Variants in CNN1 observed in about 807,000 individuals in gnomAD.
The protein encoded by CNN1 is calponin-1.
Under a neutral mutation model 35.3 loss-of-function variants are expected in CNN1, and 21 were observed. The observed-to-expected ratio is 0.60, with a 90% confidence interval of 0.42 to 0.86. The LOEUF (loss-of-function observed/expected upper bound fraction) is 0.86. CNN1 is among the 40% of genes least tolerant of loss of function. CNN1 has a pLI of 0.00. For synonymous variants in CNN1, 164 were observed against 161.8 expected (o/e 1.01, Z -0.10); for missense variants, 314 against 400.8 (o/e 0.78, Z 1.85).
chr19:11,546,893 T>C lies in CNN1; in HGVS notation c.314T>C (p.Ile105Thr). The C allele has an allele frequency of 1.2e-6, 2 of 1,614,216 alleles. No homozygotes were observed. Among genetic ancestry groups the C allele is most frequent in the South Asian group, 2.2e-5 (2 of 91,082 alleles). Residue 105 changes from isoleucine to threonine, a missense_variant, in exon 4 of 7, where the codon ATT becomes ACT. Physicochemically the swap from Ile to Thr is moderately conservative, Grantham distance 89. Coordinates refer to ENST00000252456, the MANE Select transcript of CNN1 (RefSeq NM_001299.6). ...AAGTATGGGGTGAAGCCCCACGACA[T>C]TTTTGAGGCCAACGACCTGTTTGAG... is the stretch of plus-strand genomic sequence containing the variant. ...ITKYGVKPHDIFEANDLFENT... is the reference protein window; with the variant it reads ...ITKYGVKPHDTFEANDLFENT...
chr19:11,544,023 G>C (rs979141383), intron 2 of CNN1, among the ~76,000 whole-genome samples: 2 of 151,994 alleles, frequency 1.3e-5, no homozygotes, highest in Non-Finnish European at 2.9e-5. Flanking sequence ...TGTGTGCCAG[G>C]CTCTGGCCTA....
rs889308117 is a variant in CNN1 at position 11,549,081 on chromosome 19, C to T, written c.502-242C>T. ...TGCCCACCTGTGATCCCAGCTACTC[C>T]GGAGGCTGAGGCAGGAGAATTGCTT... On this transcript the variant is annotated intron_variant, in intron 5 of 6. Transcript: ENST00000252456. The surrounding 1 kb of genome is among the most constrained non-coding windows in gnomAD (Gnocchi z 5.2). Among the ~76,000 whole-genome samples the T allele has an allele frequency of 3.4e-5, 5 of 146,486 alleles. No individual in the cohort carries two copies. Among genetic ancestry groups the T allele is most frequent in the Non-Finnish European group, 6.0e-5 (4 of 66,382 alleles).
chr19:11,539,913 C>T (rs1972421183), intron 1 of CNN1: 1 of 1,118,846 alleles, frequency 8.9e-7, no homozygotes, highest in East Asian at 9.8e-5. Context: ...CGCGCAGAGA[C>T]GCCGCGCCTT....
rs1261184207 is a variant in CNN1, at chr19:11,550,144, G to A, written c.*349G>A. On this transcript the variant is annotated 3_prime_UTR_variant, in exon 7 of 7. Coordinates refer to ENST00000252456, the MANE Select transcript of CNN1 (RefSeq NM_001299.6). Reference sequence around the variant, plus strand: ...AGCAAAGCCCCCAGAGCCCAGGCTCGGCCTGCCCCCACCCCATTCCCGCAG... The same window carrying A: ...AGCAAAGCCCCCAGAGCCCAGGCTCAGCCTGCCCCCACCCCATTCCCGCAG... The A allele has an allele frequency of 2.4e-5, 6 of 247,738 alleles. No homozygotes were observed. The highest frequency in any genetic ancestry group is 3.8e-5 in the Non-Finnish European group (5 of 129,884). The allele number at this position is 247,738 out of a possible 1,614,324, so 15.3% of individuals were successfully genotyped here.
chr19:11,539,591 C>A (rs1054760527), intron 1 of CNN1: 7 of 883,828 alleles, frequency 7.9e-6, no homozygotes, highest in Non-Finnish European at 9.2e-6. Flanking sequence ...GGACCCTGGA[C>A]TCACCCCCCA....
Position 11,549,765 on chromosome 19 carries a change from C to A in CNN1, c.864C>A (p.His288Gln). ...YPELGEPAHN[H>Q]HAHNYYNSA ...AGCTGGGTGAGCCCGCCCACAACCA[C>A]CACGCACACAACTACTACAATTCCG... is the stretch of plus-strand genomic sequence containing the variant. Residue 288 changes from histidine (H) to glutamine (Q), a missense_variant, in exon 7 of 7, where the codon CAC becomes CAA. His to Gln is a conservative substitution (Grantham distance 24). Coordinates refer to ENST00000252456, the MANE Select transcript of CNN1 (RefSeq NM_001299.6). This position sits in a 1 kb window ranked among gnomAD's most constrained non-coding sequence, Gnocchi z 5.2. 1 of 1,613,266 alleles carries A rather than the reference C, an allele frequency of 6.2e-7. No homozygotes were observed. The highest frequency in any genetic ancestry group is 8.5e-7 in the Non-Finnish European group (1 of 1,179,478).
intron 4 of CNN1, among the ~76,000 whole-genome samples, chr19:11,547,457 T>G (rs986107820): frequency 1.3e-5 from 2 of 151,344 alleles, no homozygotes; most frequent in Non-Finnish European, 2.9e-5. Flanking sequence ...ACGCCTGTAA[T>G]CCCAGCACTT....
chr19:11,546,972 G>A lies in CNN1; in HGVS notation c.390+3G>A. The A allele has an allele frequency of 6.2e-7, 1 of 1,614,198 alleles. No homozygotes were observed. The highest frequency in any genetic ancestry group is 8.5e-7 in the Non-Finnish European group (1 of 1,180,014). On this transcript the variant is annotated splice_donor_region_variant and intron_variant, in intron 4 of 6. Coordinates refer to ENST00000252456, the MANE Select transcript of CNN1 (RefSeq NM_001299.6). ...CCCTCCTGGCTTTGGCCAGCATGGT[G>A]AGTGTGGTTGCAGGCTGGGCAGGGG...
At chr19:11,539,576 C>T in intron 1 of CNN1, 2 of 978,514 alleles carry the variant, frequency 2.0e-6, no homozygotes, top group South Asian at 3.2e-5. Context: ...GCAGGTACAG[C>T]GCTCGGACCC....
intron 4 of CNN1, 68 bp from the exon 5 acceptor site, chr19:11,547,727 AAC>A (rs572320864): frequency 8.6e-6 from 11 of 1,282,628 alleles, no homozygotes; most frequent in Non-Finnish European, 1.2e-5. Flanking sequence ...ACAACAAAAA[AAC>A]AGTGTCCAAG....
At chr19:11,542,019 C>G (rs1172472872) in intron 2 of CNN1, 1 of 150,120 alleles carries the variant, frequency 6.7e-6, no homozygotes, top group Non-Finnish European at 1.5e-5. Flanking sequence ...GGATTGCAGG[C>G]ACATGCCACC....
rs1202397369 is a variant in CNN1, at chr19:11,549,474, G to C, written c.648+5G>C. ...ACCAACAAAGGAGCCAGCCAGGTGA[G>C]TGGGGGCCCCCGGGACACGCCGTCA... On this transcript the variant is annotated splice_donor_5th_base_variant and intron_variant, in intron 6 of 6. Transcript: ENST00000252456. The surrounding 1 kb of genome is among the most constrained non-coding windows in gnomAD (Gnocchi z 5.2). The C allele has an allele frequency of 1.2e-6, 2 of 1,613,560 alleles. No individual in the cohort carries two copies. The highest frequency in any genetic ancestry group is 1.7e-5 in the Admixed American group (1 of 59,970).
rs935512933 is a variant in CNN1 at position 11,539,953 on chromosome 19, G to C, written c.63+963G>C. 3.5e-5 allele frequency: 39 copies of C among 1,103,520 alleles called. No individual in the cohort carries two copies. In the African/African-American group the frequency reaches 6.6e-4, roughly 19 times the overall value. 68.4% of individuals were successfully genotyped at this position (1,103,520 alleles called of 1,614,324 possible). Reference sequence around the variant, plus strand: ...GGCGGCCTCGGGGAGCCCGGGCCACGCTATATAAGGGCCGGTTTGCTTTAT... The same window carrying C: ...GGCGGCCTCGGGGAGCCCGGGCCACCCTATATAAGGGCCGGTTTGCTTTAT... On this transcript the variant is annotated intron_variant, in intron 1 of 6. Coordinates refer to ENST00000252456, the MANE Select transcript of CNN1 (RefSeq NM_001299.6).
At chr19:11,540,118 G>A (rs1972427298) in intron 1 of CNN1, 1 of 955,710 alleles carries the variant, frequency 1.0e-6, no homozygotes, top group Middle Eastern at 5.3e-4. Flanking sequence ...GGCTTGGGCG[G>A]AGGGTTCTGG....
chr19:11,545,573 C>T (rs146644311), intron 2 of CNN1, among the ~76,000 whole-genome samples: 6 of 151,770 alleles, frequency 4.0e-5, no homozygotes, highest in African/African-American at 1.2e-4. Context: ...CACCCAGGCA[C>T]CCATGGAGAG....
rs200174402 is a variant in CNN1 at position 11,549,769 on chromosome 19, G to C, written c.868G>C (p.Ala290Pro). 1 of 1,612,538 alleles carries C rather than the reference G, an allele frequency of 6.2e-7. No homozygotes were observed. The highest frequency in any genetic ancestry group is 1.3e-5 in the African/African-American group (1 of 74,870). The change falls in exon 7 of 7, where the codon GCA becomes CCA. Residue 290 changes from alanine to proline, a missense_variant. Coordinates refer to ENST00000252456, the MANE Select transcript of CNN1 (RefSeq NM_001299.6). This position sits in a 1 kb window ranked among gnomAD's most constrained non-coding sequence, Gnocchi z 5.2. ...ELGEPAHNHH[A>P]HNYYNSA Reference sequence around the variant, plus strand: ...GGGTGAGCCCGCCCACAACCACCACGCACACAACTACTACAATTCCGCCTA... The same window carrying C: ...GGGTGAGCCCGCCCACAACCACCACCCACACAACTACTACAATTCCGCCTA...
intron 1 of CNN1, chr19:11,540,293 A>G: frequency 6.3e-6 from 1 of 158,428 alleles, no homozygotes; most frequent in Non-Finnish European, 1.4e-5. Flanking sequence ...ATGGAGGGGC[A>G]GGGAGAGGAG....
intron 2 of CNN1, among the ~76,000 whole-genome samples, chr19:11,543,265 G>A (rs894887585): frequency 6.6e-6 from 1 of 151,554 alleles, no homozygotes; most frequent in Admixed American, 6.6e-5. Context: ...TGGGAGGATC[G>A]CTTGAGCCCT....
At chr19:11,547,433 G>T (rs952918111) in intron 4 of CNN1, among the ~76,000 whole-genome samples, 1 of 151,560 alleles carries the variant, frequency 6.6e-6, no homozygotes, top group South Asian at 2.1e-4. Flanking sequence ...AGTGTTGGCC[G>T]GGCACGGTGG....
Sources: allele counts gnomAD v4.1 joint callset (sites outside exome capture counted in the v4.1 genomes callset), GRCh38; gene constraint gnomAD v4.1.1; non-coding constraint Gnocchi (gnomAD v3.1); transcripts MANE v1.5; gene names NCBI Gene and HGNC (gene_info 2026-07-23, HGNC 2026-07-21).